PARP4: variants seen among roughly 807,000 people sequenced by gnomAD.
The protein encoded by PARP4 is poly(ADP-ribose) polymerase family member 4.
Under a neutral mutation model 187.7 loss-of-function variants are expected in PARP4, and 120 were observed. The ratio of observed to expected loss-of-function variants is 0.64; its 90% CI spans 0.55 to 0.74. The LOEUF (loss-of-function observed/expected upper bound fraction) is 0.74. Ranked by LOEUF, PARP4 falls within the 30% of genes least tolerant of loss-of-function variation. The pLI is 0.00. For missense variants in PARP4, 1,836 were observed against 2,070.5 expected (o/e 0.89, Z 2.20); for synonymous variants, 654 against 740.9 (o/e 0.88, Z 1.90).
chr13:24,471,613 T>C (rs1361411571), intron 15 of PARP4, among the ~76,000 whole-genome samples: 2 of 152,198 alleles, frequency 1.3e-5, no homozygotes, highest in Non-Finnish European at 2.9e-5. Context: ...CACCCCAGCC[T>C]CTGCTTGGAT....
chr13:24,445,975 A>G (rs1179257995), intron 27 of PARP4, among the ~76,000 whole-genome samples: 2 of 152,208 alleles, frequency 1.3e-5, no homozygotes, highest in African/African-American at 4.8e-5. Flanking sequence ...GGAAAAACAC[A>G]TATCTGGAAA....
chr13:24,499,899 A>C lies in PARP4; in HGVS notation c.401+417T>G, dbSNP rs372967630. Among the ~76,000 whole-genome samples, 15 of 152,334 alleles carry C rather than the reference A, an allele frequency of 9.8e-5. 1 individual carries two copies. The South Asian group carries it at 2.9e-3, about 29-fold the overall frequency. On this transcript the variant is annotated intron_variant, in intron 4 of 33. Coordinates refer to ENST00000381989, the MANE Select transcript of PARP4 (RefSeq NM_006437.4). ...AACCCGATGTTTTGGGTATGCTTTA[A>C]GAAACCATATAGAACTTTAGACTCC...
intron 12 of PARP4, among the ~76,000 whole-genome samples, chr13:24,480,719 A>G (rs1873230840): frequency 6.6e-6 from 1 of 152,242 alleles, no homozygotes; most frequent in Non-Finnish European, 1.5e-5. Flanking sequence ...AATTCTATGA[A>G]GGCTCAGAGA....
At chr13:24,434,165 T>G (rs1406035782) in intron 31 of PARP4, among the ~76,000 whole-genome samples, 105 of 151,598 alleles carry the variant, frequency 6.9e-4, no homozygotes, top group African/African-American at 2.2e-3. Flanking sequence ...GTCTAATGTT[T>G]GTAGAGAAAC....
chr13:24,488,172 C>T (rs147557832), intron 10 of PARP4, among the ~76,000 whole-genome samples: 11,832 of 152,032 alleles, frequency 0.078, 544 homozygotes, highest in Non-Finnish European at 0.11. Flanking sequence ...TGAACTGCAG[C>T]TGCCACTCCC....
chr13:24,511,070 G>A (rs999018697), intron 1 of PARP4, among the ~76,000 whole-genome samples: 4 of 152,176 alleles, frequency 2.6e-5, no homozygotes, highest in Non-Finnish European at 5.9e-5. Flanking sequence ...TTACAGGTGT[G>A]AGCTGCCACG....
intron 6 of PARP4, 141 bp from the exon 7 acceptor site, chr13:24,494,863 TTTTTC>T (rs993045242): frequency 8.7e-6 from 5 of 576,236 alleles, no homozygotes; most frequent in Admixed American, 7.7e-5. Flanking sequence ...TTTTAAATTC[TTTTTC>T]TTTTCTTTTT....
chr13:24,427,350 C>T (rs1466754984), intron 32 of PARP4, among the ~76,000 whole-genome samples: 20 of 147,006 alleles, frequency 1.4e-4, no homozygotes, highest in African/African-American at 4.9e-4. Flanking sequence ...AACCCATTTT[C>T]ATTTTAAAAA....
At chr13:24,501,167 G>A (rs192993257) in intron 3 of PARP4, among the ~76,000 whole-genome samples, 17 of 152,326 alleles carry the variant, frequency 1.1e-4, no homozygotes, top group African/African-American at 3.1e-4. Flanking sequence ...GACTCAGGAA[G>A]AGTGCATTTT....
In PARP4 at chr13:24,500,433, T is replaced by A. The variant is rs1245715515; in HGVS notation, c.335-51A>T. On this transcript the variant is annotated intron_variant, in intron 3 of 33. Transcript: ENST00000381989. ...TTGTTTACTGCCCAAAGACTTACTA[T>A]AATTAGTTAACCTAAGTGCTGGAAT... The A allele has an allele frequency of 3.6e-6, 4 of 1,106,444 alleles. No individual in the cohort carries two copies. In the South Asian group the frequency reaches 5.6e-5, roughly 15 times the overall value. The allele number at this position is 1,106,444 out of a possible 1,614,324, so 68.5% of individuals were successfully genotyped here.
rs982262887 is a variant in PARP4, at chr13:24,492,356, T to C, written c.1053+65A>G. The C allele has an allele frequency of 2.5e-4, 295 of 1,169,926 alleles. 2 individuals carry two copies. The highest frequency in any genetic ancestry group is 2.0e-3 in the South Asian group (132 of 65,100). 72.5% of individuals were successfully genotyped at this position (1,169,926 alleles called of 1,614,324 possible). ...ATTCAGTGTTACCTCATTCATCAGA[T>C]TTCTAAAGACCCCCACCCTCAACAT... On this transcript the variant is annotated intron_variant, in intron 9 of 33. Coordinates refer to ENST00000381989, the MANE Select transcript of PARP4 (RefSeq NM_006437.4).
chr13:24,471,752 A>C (rs796213561), intron 15 of PARP4, among the ~76,000 whole-genome samples: 21 of 152,252 alleles, frequency 1.4e-4, no homozygotes, highest in African/African-American at 4.3e-4. Flanking sequence ...ATCAAATGGT[A>C]CAAGTCATCT....
intron 33 of PARP4, among the ~76,000 whole-genome samples, chr13:24,424,095 G>T (rs1202719124): frequency 3.3e-5 from 5 of 152,114 alleles, no homozygotes; most frequent in African/African-American, 1.2e-4. Flanking sequence ...AAAGTGCTTG[G>T]ATTATAGGCA....
intron 32 of PARP4, among the ~76,000 whole-genome samples, chr13:24,430,309 C>G (rs1246994236): frequency 6.6e-6 from 1 of 152,062 alleles, no homozygotes; most frequent in Non-Finnish European, 1.5e-5. Context: ...GCTGCTCTAT[C>G]TATCCATGAA....
At chr13:24,510,502 G>C (rs377730341) in intron 1 of PARP4, among the ~76,000 whole-genome samples, 1,650 of 137,878 alleles carry the variant, frequency 0.012, 65 homozygotes, top group African/African-American at 0.043. Context: ...TGCAGTGAGC[G>C]GAGATCCCGC....
In PARP4 at chr13:24,481,307, G is replaced by A. The variant is rs538708132; in HGVS notation, c.1449-3031C>T. Among the ~76,000 whole-genome samples, 163 of 152,374 alleles carry A rather than the reference G, an allele frequency of 1.1e-3. 1 individual carries two copies. Among genetic ancestry groups the A allele is most frequent in the Admixed American group, 3.3e-3 (51 of 15,306 alleles). On this transcript the variant is annotated intron_variant, in intron 12 of 33. Transcript: ENST00000381989. ...CAGGAGCTCTGATGGAGAGGTACAA[G>A]GAATTTGTTGTTTTCATGCCTGCTA...
chr13:24,505,003 CTT>C (rs34271210), intron 1 of PARP4, among the ~76,000 whole-genome samples: 122 of 129,666 alleles, frequency 9.4e-4, no homozygotes, highest in East Asian at 2.2e-3. Context: ...CACACCCCCG[CTT>C]TTTTTTTTTT....
chr13:24,452,168 C>T (rs1315276237), intron 24 of PARP4: 1 of 428,030 alleles, frequency 2.3e-6, no homozygotes, highest in East Asian at 3.7e-5. Flanking sequence ...TTCATTATCA[C>T]CTTGGTTTTA....
At chr13:24,457,040 C>T (rs578158610) in intron 20 of PARP4, among the ~76,000 whole-genome samples, 1 of 152,022 alleles carries the variant, frequency 6.6e-6, no homozygotes, top group South Asian at 2.1e-4. Context: ...CAGTCTCAAA[C>T]CCTGGATCCA....
Sources: gnomAD v4.1 joint callset for allele counts (sites outside exome capture counted in the v4.1 genomes callset) on GRCh38, gnomAD v4.1.1 for gene constraint, MANE v1.5 for transcripts, NCBI Gene and HGNC (gene_info 2026-07-23, HGNC 2026-07-21) for gene names.